Variants in DHX37 observed in about 807,000 individuals in gnomAD.
The protein encoded by DHX37 is DEAH-box helicase 37, also known as probable ATP-dependent RNA helicase DHX37.
DHX37 carries 52 observed loss-of-function variants against 134.3 expected under a neutral mutation model. The ratio of observed to expected loss-of-function variants is 0.39; its 90% CI spans 0.31 to 0.49. The LOEUF (loss-of-function observed/expected upper bound fraction) is 0.49, where lower values mean the gene tolerates loss of function less well. Ranked by LOEUF, DHX37 falls within the 20% of genes least tolerant of loss-of-function variation. The pLI is 0.93. For missense variants in DHX37, 1,344 were observed against 1,580.8 expected, an observed-to-expected ratio of 0.85 and a Z score of 2.54; for synonymous variants, 634 against 670.7, an observed-to-expected ratio of 0.95 and a Z score of 0.85.
intron 18 of DHX37, 138 bp downstream of exon 18, chr12:124,956,553 A>G (rs1183716692): frequency 9.2e-7 from 1 of 1,088,086 alleles, no homozygotes; most frequent in Non-Finnish European, 1.2e-6. Flanking sequence ...CAGTTGCACA[A>G]TCTCAGCTCA....
At chr12:124,957,558 G>A (rs1455892595) in intron 16 of DHX37, among the ~76,000 whole-genome samples, 1 of 152,188 alleles carries the variant, frequency 6.6e-6, no homozygotes, top group Non-Finnish European at 1.5e-5. Flanking sequence ...GGCTGAGGCG[G>A]GTAGATCACC....
At chr12:124,987,043 A>T (rs1954887205) in intron 1 of DHX37, among the ~76,000 whole-genome samples, 1 of 152,010 alleles carries the variant, frequency 6.6e-6, no homozygotes, top group Non-Finnish European at 1.5e-5. Flanking sequence ...CACTGCACCC[A>T]GCCTGATGTT....
Position 124,950,163 on chromosome 12 carries a change from G to A in DHX37, c.3202C>T (p.Leu1068=). ...IDRYKHFARF[L]LEGQVFRKLA... is the part of the protein sequence containing the mutation. ...GTGCCACCTACCTGCCCTTCCAGCA[G>A]GAACCGGGCAAAGTGCTTGTAGCGG... Residue 1068 remains leucine (L), a synonymous_variant, in exon 24 of 27, where the codon CTG becomes TTG. Coordinates refer to ENST00000308736, the MANE Select transcript of DHX37 (RefSeq NM_032656.4). The A allele has an allele frequency of 1.2e-6, 2 of 1,614,098 alleles. No individual in the cohort carries two copies. Among genetic ancestry groups the A allele is most frequent in the Non-Finnish European group, 1.7e-6 (2 of 1,180,040 alleles).
rs1161414621 is a variant in DHX37 at position 124,977,230 on chromosome 12, G to A, written c.887+112C>T. On this transcript the variant is annotated intron_variant, in intron 5 of 26. Coordinates refer to ENST00000308736, the MANE Select transcript of DHX37 (RefSeq NM_032656.4). ...TAGCTTGTCTGAAGTCACACAGCAT[G>A]CACAGGGCAGATCCAGGATTGGATC... 2.3e-6 allele frequency: 3 copies of A among 1,329,030 alleles called. No individual in the cohort carries two copies. In the African/African-American group the frequency reaches 4.4e-5, roughly 20 times the overall value. The allele number at this position is 1,329,030 out of a possible 1,614,324, so 82.3% of individuals were successfully genotyped here. A position where few individuals can be genotyped will look rare whatever the true frequency, so the allele number is the denominator to read the frequency against.
At position 124,947,851 on chromosome 12, in the gene DHX37, G is replaced by C. The variant is rs138514515; in HGVS notation, c.3425C>G (p.Ala1142Gly). ...GGCTTTCTCGATATCGGGGTGCATG[G>C]CCTGTGGAAGCCACTCACAGTACTC... ...LAEYCEWLPQ[A>G]MHPDIEKAWP... Residue 1142 changes from alanine (A) to glycine (G), a missense_variant, in exon 27 of 27, where the codon GCC (alanine) becomes GGC (glycine). Physicochemically the swap from Ala to Gly is moderately conservative, Grantham distance 60. Coordinates refer to ENST00000308736, the MANE Select transcript of DHX37 (RefSeq NM_032656.4). 35 of 1,608,406 alleles carry C rather than the reference G, an allele frequency of 2.2e-5. No homozygotes were observed. The African/African-American group carries it at 3.5e-4, about 16-fold the overall frequency.
At position 124,950,369 on chromosome 12, in the gene DHX37, G is replaced by A. The variant is rs915185074; in HGVS notation, c.3121+44C>T. 8.8e-6 allele frequency: 14 copies of A among 1,593,180 alleles called. No homozygotes were observed. The African/African-American group carries it at 1.1e-4, about 12-fold the overall frequency. On this transcript the variant is annotated intron_variant, in intron 23 of 26. Coordinates refer to ENST00000308736, the MANE Select transcript of DHX37 (RefSeq NM_032656.4). The stretch of plus-strand genomic sequence containing the variant: ...AGGACCGTGTGTCCGAGAAGCCCAC[G>A]GCTGCAGGAGGCTCAGGTTGCCCAG...
chr12:124,986,684 C>G (rs944671115), intron 1 of DHX37, among the ~76,000 whole-genome samples: 1 of 151,914 alleles, frequency 6.6e-6, no homozygotes, highest in Non-Finnish European at 1.5e-5. Flanking sequence ...GCACTCCAGC[C>G]TGGGCGACAG....
intron 2 of DHX37, among the ~76,000 whole-genome samples, chr12:124,985,744 A>T (rs4509867): frequency 0.39 from 57,610 of 148,266 alleles, 11,978 homozygotes; most frequent in African/African-American, 0.53. Flanking sequence ...AAAAAAAAAA[A>T]TTTTTTTAAG....
chr12:124,956,158 C>T (rs922578798), intron 18 of DHX37, among the ~76,000 whole-genome samples: 5 of 152,102 alleles, frequency 3.3e-5, no homozygotes, highest in Admixed American at 6.6e-5. Context: ...TCACAGTGGA[C>T]GAGAGATGGT....
chr12:124,957,802 A>G (rs114329911), intron 16 of DHX37, among the ~76,000 whole-genome samples: 11,236 of 133,866 alleles, frequency 0.084, 1,366 homozygotes, highest in African/African-American at 0.35. Flanking sequence ...AGTAATAATA[A>G]CGTGAATAAA....
intron 1 of DHX37, 70 bp from the exon 2 acceptor site, chr12:124,986,335 C>T (rs1954871848): frequency 1.3e-6 from 2 of 1,565,858 alleles, no homozygotes; most frequent in African/African-American, 1.4e-5. Flanking sequence ...CACAAGCCCC[C>T]TGACTTGCAT....
rs769046613 is a variant in DHX37, at chr12:124,947,712, C to T, written c.*90G>A. On this transcript the variant is annotated 3_prime_UTR_variant, in exon 27 of 27. Transcript: ENST00000308736. Reference sequence around the variant, plus strand: ...CTTCCTGAGAGCAGGCCACGAAGCCCATGCCAGGTGGTCACGGTCGCACGG... The same window carrying T: ...CTTCCTGAGAGCAGGCCACGAAGCCTATGCCAGGTGGTCACGGTCGCACGG... The T allele has an allele frequency of 7.8e-5, 113 of 1,457,044 alleles. No homozygotes were observed. The highest frequency in any genetic ancestry group is 1.0e-4 in the Non-Finnish European group (110 of 1,097,448). The allele number at this position is 1,457,044 out of a possible 1,614,324, so 90.3% of individuals were successfully genotyped here. A position where few individuals can be genotyped will look rare whatever the true frequency, so the allele number is the denominator to read the frequency against.
At chr12:124,953,782 T>C in intron 20 of DHX37, 98 bp downstream of exon 20, 1 of 1,504,026 alleles carries the variant, frequency 6.6e-7, no homozygotes, top group Non-Finnish European at 8.9e-7. Flanking sequence ...CGTAGCAAGT[T>C]TGCAAACGTG....
rs1445669740 is a variant in DHX37 at position 124,972,524 on chromosome 12, C to T, written c.1056G>A (p.Val352=). 6.2e-7 allele frequency: 1 copy of T among 1,614,224 alleles called. No individual in the cohort carries two copies. Residue 352 remains valine, a synonymous_variant, in exon 7 of 27, where the codon GTG becomes GTA. Coordinates refer to ENST00000308736, the MANE Select transcript of DHX37 (RefSeq NM_032656.4). ...CAACCTTCTGGATTTCTTTAAGCAG[C>T]ACACCATCCGTCATGAACTTGATTC... ...ETRIKFMTDG[V]LLKEIQKDFL...
chr12:124,977,742 C>T (rs888956315), intron 4 of DHX37, among the ~76,000 whole-genome samples: 61 of 152,296 alleles, frequency 4.0e-4, no homozygotes, highest in Admixed American at 3.3e-3. Context: ...CTCAGAGATA[C>T]GGGAACCCTC....
rs750008401 is a variant in DHX37, at chr12:124,960,329, C to T, written c.2140G>A (p.Ala714Thr). The T allele has an allele frequency of 6.2e-7, 1 of 1,613,816 alleles. No individual in the cohort carries two copies. Among genetic ancestry groups the T allele is most frequent in the East Asian group, 2.2e-5 (1 of 44,870 alleles). ...CAACTGACCTTTTCAACGTTGAGCGCCTTCATTTGAAGGATTAAGTCTTCA... is the reference window on the plus strand; with the variant it reads ...CAACTGACCTTTTCAACGTTGAGCGTCTTCATTTGAAGGATTAAGTCTTCA... Reference protein sequence around the residue: ...PVEDLILQMKALNVEKVINFP... With the variant: ...PVEDLILQMKTLNVEKVINFP... Residue 714 changes from alanine to threonine, a missense_variant, in exon 16 of 27, where the codon GCG becomes ACG. Around this residue, in one of 7 missense-constraint regions of DHX37, gnomAD observed 558 missense variants for 650.0 expected, o/e 0.86. Transcript: ENST00000308736.
intron 7 of DHX37, among the ~76,000 whole-genome samples, chr12:124,971,961 T>C (rs1476457655): frequency 1.3e-5 from 2 of 152,234 alleles, no homozygotes; most frequent in Non-Finnish European, 1.5e-5. Flanking sequence ...TGGAAAGTCC[T>C]TGGGACGCAG....
At chr12:124,961,224 GCACGCACA>G (rs1157200330) in intron 15 of DHX37, among the ~76,000 whole-genome samples, 154 of 117,934 alleles carry the variant, frequency 1.3e-3, no homozygotes, top group African/African-American at 4.6e-3. Flanking sequence ...GCACGCACAC[GCACGCACA>G]CACACATACA....
intron 15 of DHX37, among the ~76,000 whole-genome samples, chr12:124,961,763 T>C (rs1017124773): frequency 2.0e-5 from 3 of 151,950 alleles, no homozygotes; most frequent in Admixed American, 6.6e-5. Context: ...AAAGGACAAA[T>C]AACCTAATTA....
Sources: allele counts gnomAD v4.1 joint callset (sites outside exome capture counted in the v4.1 genomes callset), GRCh38; gene constraint gnomAD v4.1.1; regional missense constraint gnomAD v4.1.1; transcripts MANE v1.5; gene names NCBI Gene and HGNC (gene_info 2026-07-23, HGNC 2026-07-21).